The following MED12L variants were observed in gnomAD, a reference collection of about 807,000 sequenced individuals.
MED12L encodes the protein mediator of RNA polymerase II transcription subunit 12-like protein.
A neutral mutation model predicts 281.3 loss-of-function variants in MED12L; 60 were observed. That is an observed-to-expected ratio of 0.21 (90% confidence interval 0.17 to 0.26). The LOEUF (loss-of-function observed/expected upper bound fraction) is 0.26, where lower values mean the gene tolerates loss of function less well. Among genes scored for constraint, MED12L ranks in the 10% least tolerant of loss-of-function variants. MED12L has a pLI of 1.00. For missense variants in MED12L, 2,146 were observed against 2,680.9 expected, an observed-to-expected ratio of 0.80 and a Z score of 4.41; for synonymous variants, 974 against 987.2, an observed-to-expected ratio of 0.99 and a Z score of 0.25.
intron 16 of MED12L, among the ~76,000 whole-genome samples, chr3:151,287,169 C>T (rs1054697176): frequency 6.6e-6 from 1 of 152,116 alleles, no homozygotes; most frequent in African/African-American, 2.4e-5. Flanking sequence ...AAAGAGTATG[C>T]AAAAGACTGG....
chr3:151,086,977 C>T lies in MED12L; in HGVS notation c.51C>T (p.Pro17=). The T allele has an allele frequency of 6.2e-7, 1 of 1,610,376 alleles. No homozygotes were observed. The highest frequency in any genetic ancestry group is 1.1e-5 in the South Asian group (1 of 90,638). The change falls in exon 2 of 45, where the codon CCC becomes CCT. Residue 17 remains proline, a synonymous_variant. Coordinates refer to ENST00000687756, the MANE Select transcript of MED12L (RefSeq NM_001393769.1). The part of the protein sequence containing the change: ...LSYEQRPLKR[P]RLGPPDVYPQ... ...ATGAGCAGAGACCGCTGAAGCGCCC[C>T]CGGCTCGGGCCGCCCGACGTCTACC... is the stretch of plus-strand genomic sequence containing the variant.
rs112074638 is a variant in MED12L, at chr3:151,418,890, G to A, written c.6408+2468G>A. On this transcript the variant is annotated intron_variant, in intron 43 of 44. Coordinates refer to ENST00000687756, the MANE Select transcript of MED12L (RefSeq NM_001393769.1). Reference sequence around the variant, plus strand: ...TTTTAATTATGGATACATAATATTTGTACATATTTATGTACAGATACGTGA... The same window carrying A: ...TTTTAATTATGGATACATAATATTTATACATATTTATGTACAGATACGTGA... Among the ~76,000 whole-genome samples, 36 of 151,680 alleles carry A rather than the reference G, an allele frequency of 2.4e-4. 1 individual carries two copies. The highest frequency in any genetic ancestry group is 8.5e-4 in the African/African-American group (35 of 41,330).
intron 5 of MED12L, among the ~76,000 whole-genome samples, chr3:151,146,186 C>T (rs1456041381): frequency 1.3e-5 from 2 of 152,152 alleles, no homozygotes; most frequent in African/African-American, 4.8e-5. Context: ...GTGCGTTGAA[C>T]CAGCACCCTC....
chr3:151,369,816 G>A (rs1421438783), intron 26 of MED12L, among the ~76,000 whole-genome samples: 2 of 152,080 alleles, frequency 1.3e-5, no homozygotes, highest in Middle Eastern at 3.2e-3. Flanking sequence ...ATGTAAAATA[G>A]GTCCTCAGAC....
chr3:151,392,451 C>A (rs111616407), intron 38 of MED12L, among the ~76,000 whole-genome samples: 42,941 of 130,210 alleles, frequency 0.33, 7,312 homozygotes, highest in Middle Eastern at 0.43. Flanking sequence ...GGTGACAGAG[C>A]GAGACTCCAT....
intron 16 of MED12L, among the ~76,000 whole-genome samples, chr3:151,311,667 C>G (rs1004069855): frequency 6.6e-6 from 1 of 152,138 alleles, no homozygotes; most frequent in South Asian, 2.1e-4. Context: ...TTGCATATTA[C>G]TTTGAGCCAC....
At chr3:151,283,055 A>G (rs577838827) in intron 16 of MED12L, among the ~76,000 whole-genome samples, 43 of 152,342 alleles carry the variant, frequency 2.8e-4, no homozygotes, top group Middle Eastern at 3.4e-3. Flanking sequence ...TTCATTGGCA[A>G]TTGTGCACTT....
At chr3:151,279,515 GAC>G (rs2149605366) in intron 16 of MED12L, among the ~76,000 whole-genome samples, 1 of 152,328 alleles carries the variant, frequency 6.6e-6, no homozygotes, top group East Asian at 1.9e-4. Flanking sequence ...AGACCTGTGA[GAC>G]ACAGAGCTTG....
intron 2 of MED12L, among the ~76,000 whole-genome samples, chr3:151,095,177 C>T (rs1477322796): frequency 6.6e-6 from 1 of 152,078 alleles, no homozygotes; most frequent in East Asian, 1.9e-4. Context: ...AATTCAGTGA[C>T]CTGCAGGAGC....
intron 16 of MED12L, among the ~76,000 whole-genome samples, chr3:151,322,251 T>A (rs1237316152): frequency 6.6e-6 from 1 of 152,210 alleles, no homozygotes; most frequent in African/African-American, 2.4e-5. Flanking sequence ...AGTGGTGTGA[T>A]CATGGCCCAC....
intron 16 of MED12L, among the ~76,000 whole-genome samples, chr3:151,287,820 A>G (rs1033509110): frequency 6.6e-6 from 1 of 152,234 alleles, no homozygotes; most frequent in African/African-American, 2.4e-5. Context: ...AAGTATATCT[A>G]TATATCTACA....
chr3:151,229,917 A>C (rs1731295995), intron 16 of MED12L, among the ~76,000 whole-genome samples: 1 of 152,090 alleles, frequency 6.6e-6, no homozygotes, highest in Non-Finnish European at 1.5e-5. Context: ...TTGAAATCAA[A>C]GACCTTTACT....
At chr3:151,430,968 GCCTT>G (rs1432235136) in intron 44 of MED12L, among the ~76,000 whole-genome samples, 1 of 151,852 alleles carries the variant, frequency 6.6e-6, no homozygotes, top group Non-Finnish European at 1.5e-5. Flanking sequence ...TTAATGTGCT[GCCTT>G]TCTAGAGAAT....
chr3:151,253,197 G>T (rs1256957281), intron 16 of MED12L, among the ~76,000 whole-genome samples: 1 of 152,150 alleles, frequency 6.6e-6, no homozygotes, highest in East Asian at 1.9e-4. Flanking sequence ...CAGTGTCTGA[G>T]ATTTAAGAGC....
intron 22 of MED12L, among the ~76,000 whole-genome samples, chr3:151,365,631 T>A (rs940610483): frequency 4.0e-5 from 6 of 150,220 alleles, no homozygotes; most frequent in Admixed American, 1.3e-4. Context: ...ATGTACTGAT[T>A]ATTGTTTGTT....
At chr3:151,198,660 G>A (rs778517719) in intron 16 of MED12L, 3 of 1,613,860 alleles carry the variant, frequency 1.9e-6, no homozygotes, top group African/African-American at 1.3e-5. Context: ...TACGGGATTC[G>A]GACAATGTGG....
intron 16 of MED12L, among the ~76,000 whole-genome samples, chr3:151,301,692 C>T (rs771613233): frequency 6.6e-6 from 1 of 152,192 alleles, no homozygotes; most frequent in Non-Finnish European, 1.5e-5. Flanking sequence ...ATGAGAACCA[C>T]AGTGCTATAC....
chr3:151,203,998 T>C (rs1726018308), intron 16 of MED12L, among the ~76,000 whole-genome samples: 2 of 152,206 alleles, frequency 1.3e-5, no homozygotes, highest in South Asian at 4.1e-4. Flanking sequence ...TGTATTTAAG[T>C]TGTTTGGTTA....
chr3:151,096,658 G>T (rs77920247), intron 2 of MED12L, among the ~76,000 whole-genome samples: 22,779 of 149,484 alleles, frequency 0.15, 2,135 homozygotes, highest in South Asian at 0.3. Context: ...TGCTATTTTG[G>T]GGGGGGAAGC....
Sources: allele counts gnomAD v4.1 joint callset (sites outside exome capture counted in the v4.1 genomes callset), GRCh38; gene constraint gnomAD v4.1.1; transcripts MANE v1.5; gene names NCBI Gene and HGNC (gene_info 2026-07-23, HGNC 2026-07-21).